Variants in COL7A1 observed in about 807,000 individuals in gnomAD.
COL7A1 encodes collagen type VII alpha 1 chain, also known as collagen alpha-1(VII) chain.
In COL7A1, 296 loss-of-function variants were observed where a neutral mutation model predicts 456.2. That is an observed-to-expected ratio of 0.65 (90% confidence interval 0.59 to 0.71). COL7A1 has a LOEUF of 0.71. COL7A1 is among the 30% of genes least tolerant of loss of function. The pLI is 0.00. For missense variants in COL7A1, 3,441 were observed against 4,017.2 expected, an observed-to-expected ratio of 0.86 and a Z score of 3.88; for synonymous variants, 1,464 against 1,525.9, an observed-to-expected ratio of 0.96 and a Z score of 0.95.
Position 48,567,596 on chromosome 3 carries a change from T to G in COL7A1, c.8024A>C (p.Lys2675Thr). Residue 2675 changes from lysine to threonine, a missense_variant, in exon 109 of 119, where the codon AAG becomes ACG. Lys to Thr is a moderately conservative substitution (Grantham distance 78). This residue lies in a region of COL7A1 where 2,084 missense variants were observed against 2,501.3 expected (regional missense o/e 0.83). Transcript: ENST00000681320. The surrounding 1 kb of genome is among the most constrained non-coding windows in gnomAD (Gnocchi z 4.3). ...GVPGQSGAPGKEGLIGPKGDR... is the reference protein window; with the variant it reads ...GVPGQSGAPGTEGLIGPKGDR... Reference sequence around the variant, plus strand: ...TACCTTGGGACCGATCAGGCCCTCCTTGCCAGGGGCCCCCGACTGGCCCGG... The same window carrying G: ...TACCTTGGGACCGATCAGGCCCTCCGTGCCAGGGGCCCCCGACTGGCCCGG... The G allele has an allele frequency of 6.2e-7, 1 of 1,614,152 alleles. No homozygotes were observed. The highest frequency in any genetic ancestry group is 8.5e-7 in the Non-Finnish European group (1 of 1,180,016).
Position 48,567,146 on chromosome 3 carries a change from C to T in COL7A1, c.8091G>A (p.Gln2697=), listed in dbSNP as rs754832776. ...AACTCACCCGCTCCCCTTTCTCGCC[C>T]TGGTCACCCTTGGGGCCTGGCTGCC... ...FDGQPGPKGD[Q]GEKGERGTPG... is the part of the protein sequence containing the mutation. The change falls in exon 110 of 119, where the codon CAG becomes CAA. Residue 2697 remains glutamine, a synonymous_variant. Coordinates refer to ENST00000681320, the MANE Select transcript of COL7A1 (RefSeq NM_000094.4). The surrounding 1 kb of genome is among the most constrained non-coding windows in gnomAD (Gnocchi z 4.3). 6 of 1,614,092 alleles carry T rather than the reference C, an allele frequency of 3.7e-6. No individual in the cohort carries two copies. The highest frequency in any genetic ancestry group is 2.2e-5 in the South Asian group (2 of 91,088).
At position 48,571,062 on chromosome 3, in the gene COL7A1, C is replaced by T. The variant is rs753127368; in HGVS notation, c.7164+39G>A. On this transcript the variant is annotated intron_variant, in intron 94 of 118. Transcript: ENST00000681320. The surrounding 1 kb of genome is among the most constrained non-coding windows in gnomAD (Gnocchi z 4.6). ...CCCTCTTCCTCCTGTGGGGGCCCGG[C>T]CTGCTGCCCCTACAACTGGTGATGG... The T allele has an allele frequency of 1.9e-6, 3 of 1,612,434 alleles. No individual in the cohort carries two copies. The East Asian group carries it at 6.7e-5, about 36-fold the overall frequency.
At position 48,576,663 on chromosome 3, in the gene COL7A1, C is replaced by G; in HGVS notation, c.5700+13G>C. 6.2e-7 allele frequency: 1 copy of G among 1,600,994 alleles called. No individual in the cohort carries two copies. The highest frequency in any genetic ancestry group is 8.5e-7 in the Non-Finnish European group (1 of 1,174,446). ...TAATGCTCTGAAGTCCCAGAATGACCCAGGACACTCACCTGGCCAGGAGGG... is the reference window on the plus strand; with the variant it reads ...TAATGCTCTGAAGTCCCAGAATGACGCAGGACACTCACCTGGCCAGGAGGG... On this transcript the variant is annotated intron_variant, in intron 68 of 118. Transcript: ENST00000681320.
chr3:48,571,057 C>T lies in COL7A1; in HGVS notation c.7164+44G>A, dbSNP rs761264078. On this transcript the variant is annotated intron_variant, in intron 94 of 118. Transcript: ENST00000681320. The surrounding 1 kb of genome is among the most constrained non-coding windows in gnomAD (Gnocchi z 4.6). ...GAACTCCCTCTTCCTCCTGTGGGGG[C>T]CCGGCCTGCTGCCCCTACAACTGGT... 6.2e-7 allele frequency: 1 copy of T among 1,612,686 alleles called. No individual in the cohort carries two copies. Among genetic ancestry groups the T allele is most frequent in the Non-Finnish European group, 8.5e-7 (1 of 1,178,924 alleles).
Position 48,579,537 on chromosome 3 carries a change from AT to A in COL7A1, c.5236-23del. 1 of 1,613,804 alleles carries A rather than the reference AT, an allele frequency of 6.2e-7. No homozygotes were observed. The highest frequency in any genetic ancestry group is 8.5e-7 in the Non-Finnish European group (1 of 1,179,982). ...TGCCCTGAGGATAGGGGAGGAAGAA[AT>A]CAGAGCAGGCCCTCCCATGCCTGCA... On this transcript the variant is annotated intron_variant, in intron 59 of 118. Transcript: ENST00000681320. This position sits in a 1 kb window ranked among gnomAD's most constrained non-coding sequence, Gnocchi z 4.4.
In COL7A1 at chr3:48,580,636, C is replaced by T. The variant is rs1028574312; in HGVS notation, c.4997G>A (p.Arg1666Gln). 8.1e-6 allele frequency: 13 copies of T among 1,613,834 alleles called. No individual in the cohort carries two copies. Among genetic ancestry groups the T allele is most frequent in the East Asian group, 2.2e-5 (1 of 44,882 alleles). Residue 1666 changes from arginine to glutamine, a missense_variant, in exon 55 of 119, where the codon CGG becomes CAG. Around this residue, in one of 3 missense-constraint regions of COL7A1, gnomAD observed 2,084 missense variants for 2,501.3 expected, o/e 0.83. Coordinates refer to ENST00000681320, the MANE Select transcript of COL7A1 (RefSeq NM_000094.4). The surrounding 1 kb of genome is among the most constrained non-coding windows in gnomAD (Gnocchi z 4.5). ...ERGLRGAPGV[R>Q]GPVGEKGDQG... ...GTCTCCCTTTTCACCCACAGGCCCC[C>T]GAACTCCAGGTGCCCCCTAAGAAGA...
rs2043903641 is a variant in COL7A1, at chr3:48,571,319, A to T, written c.7069-41T>A. On this transcript the variant is annotated intron_variant, in intron 92 of 118. Transcript: ENST00000681320. This position sits in a 1 kb window ranked among gnomAD's most constrained non-coding sequence, Gnocchi z 4.6. ...AAACAGCATTTGAGAGGGTAGGAAC[A>T]TGAGCACAGAGTTCAGACACGGGCT... 6.2e-7 allele frequency: 1 copy of T among 1,612,328 alleles called. No homozygotes were observed. Among genetic ancestry groups the T allele is most frequent in the African/African-American group, 1.3e-5 (1 of 74,904 alleles).
rs2107641831 is a variant in COL7A1, at chr3:48,569,450, G to T, written c.7615-4C>A. 1.2e-6 allele frequency: 2 copies of T among 1,614,130 alleles called. No homozygotes were observed. The highest frequency in any genetic ancestry group is 1.7e-6 in the Non-Finnish European group (2 of 1,180,014). On this transcript the variant is annotated splice_region_variant and splice_polypyrimidine_tract_variant and intron_variant, in intron 102 of 118. Coordinates refer to ENST00000681320, the MANE Select transcript of COL7A1 (RefSeq NM_000094.4). This position sits in a 1 kb window ranked among gnomAD's most constrained non-coding sequence, Gnocchi z 4.9. ...AGCCCCGAGGCCCTCGTTCACCCTG[G>T]GTTGGTTTGGGTAAGAAGTCACGGT...
At position 48,580,319 on chromosome 3, in the gene COL7A1, T is replaced by G; in HGVS notation, c.5078A>C (p.Lys1693Thr). The G allele has an allele frequency of 6.2e-7, 1 of 1,610,544 alleles. No homozygotes were observed. The highest frequency in any genetic ancestry group is 8.5e-7 in the Non-Finnish European group (1 of 1,178,378). Reference protein sequence around the residue: ...RNGSPGSSGPKGDRGEPGPPG... With the variant: ...RNGSPGSSGPTGDRGEPGPPG... ...ACTCACCGGCTCCCCACGGTCACCCTTGGGTCCAGATGATCCAGGGCTGCC... is the reference window on the plus strand; with the variant it reads ...ACTCACCGGCTCCCCACGGTCACCCGTGGGTCCAGATGATCCAGGGCTGCC... Residue 1693 changes from lysine (K) to threonine (T), a missense_variant, in exon 56 of 119, where the codon AAG becomes ACG. Coordinates refer to ENST00000681320, the MANE Select transcript of COL7A1 (RefSeq NM_000094.4). The surrounding 1 kb of genome is among the most constrained non-coding windows in gnomAD (Gnocchi z 4.5).
rs1045518536 is a variant in COL7A1 at position 48,574,120 on chromosome 3, C to G, written c.6501+142G>C. On this transcript the variant is annotated intron_variant, in intron 80 of 118. Transcript: ENST00000681320. This position sits in a 1 kb window ranked among gnomAD's most constrained non-coding sequence, Gnocchi z 5.0. ...ACACACAGGCACACACAGACACAGGCACACACAAGCAGGCACACACAGAGA... is the reference window on the plus strand; with the variant it reads ...ACACACAGGCACACACAGACACAGGGACACACAAGCAGGCACACACAGAGA... 4.2e-5 allele frequency: 49 copies of G among 1,180,300 alleles called. No individual in the cohort carries two copies. The Admixed American group carries it at 8.6e-4, about 21-fold the overall frequency. The allele number at this position is 1,180,300 out of a possible 1,614,324, so 73.1% of individuals were successfully genotyped here. A position where few individuals can be genotyped will look rare whatever the true frequency, so the allele number is the denominator to read the frequency against.
Position 48,584,316 on chromosome 3 carries a change from A to G in COL7A1, c.4179T>C (p.Leu1393=). The change falls in exon 37 of 119, where the codon CTT becomes CTC. Residue 1393 remains leucine (L), a synonymous_variant. Coordinates refer to ENST00000681320, the MANE Select transcript of COL7A1 (RefSeq NM_000094.4). Reference sequence around the variant, plus strand: ...CTGTCACCTTCATGGCTGTTCCAGGAAGCCCTGGGGGGCCACGGGGTCCTG... The same window carrying G: ...CTGTCACCTTCATGGCTGTTCCAGGGAGCCCTGGGGGGCCACGGGGTCCTG... The part of the protein sequence containing the change: ...GDPGPRGPPG[L]PGTAMKGDKG... 1 of 1,611,670 alleles carries G rather than the reference A, an allele frequency of 6.2e-7. No homozygotes were observed. The highest frequency in any genetic ancestry group is 2.2e-5 in the East Asian group (1 of 44,730).
chr3:48,576,715 C>G lies in COL7A1; in HGVS notation c.5661G>C (p.Gly1887=), dbSNP rs371009419. The G allele has an allele frequency of 1.4e-5, 23 of 1,610,044 alleles. No homozygotes were observed. The highest frequency in any genetic ancestry group is 6.8e-5 in the Admixed American group (4 of 59,252). ...CCACTGGCCCTGGGAGGCCTGGAGG[C>G]CCCTGGGGTCCAAGGATACCAGGAG... ...RGAPGILGPQ[G]PPGLPGPVGP... Residue 1887 remains glycine, a synonymous_variant, in exon 68 of 119, where the codon GGG becomes GGC. Transcript: ENST00000681320.
Position 48,571,855 on chromosome 3 carries a change from T to G in COL7A1, c.7068+146A>C. 2 of 999,760 alleles carry G rather than the reference T, an allele frequency of 2.0e-6. No homozygotes were observed. Among genetic ancestry groups the G allele is most frequent in the Non-Finnish European group, 3.0e-6 (2 of 659,848 alleles). 61.9% of individuals were successfully genotyped at this position (999,760 alleles called of 1,614,324 possible). A position where few individuals can be genotyped will look rare whatever the true frequency, so the allele number is the denominator to read the frequency against. On this transcript the variant is annotated intron_variant, in intron 92 of 118. Transcript: ENST00000681320. This position sits in a 1 kb window ranked among gnomAD's most constrained non-coding sequence, Gnocchi z 4.6. Reference sequence around the variant, plus strand: ...TGGAAGCCGACAGTGTGTGGCTCCCTGTGATCCAGAGAGCAGGCTCCTGGA... The same window carrying G: ...TGGAAGCCGACAGTGTGTGGCTCCCGGTGATCCAGAGAGCAGGCTCCTGGA...
rs369591910 is a variant in COL7A1 at position 48,566,995 on chromosome 3, C to T, written c.8138G>A (p.Gly2713Asp). Residue 2713 changes from glycine (G) to aspartate (D), a missense_variant, in exon 111 of 119, where the codon GGC becomes GAC. By Grantham distance (94) the Gly-to-Asp change is moderately conservative. This residue lies in a region of COL7A1 where 2,084 missense variants were observed against 2,501.3 expected (regional missense o/e 0.83). Coordinates refer to ENST00000681320, the MANE Select transcript of COL7A1 (RefSeq NM_000094.4). The surrounding 1 kb of genome is among the most constrained non-coding windows in gnomAD (Gnocchi z 5.9). ...AGCAGAGCCATCATTTCCACTGGGG[C>T]CTGGGAAGCCCCCAATTCCTGGGGT... ...RGTPGIGGFP[G>D]PSGNDGSAGP... 6.2e-7 allele frequency: 1 copy of T among 1,612,530 alleles called. No homozygotes were observed. The highest frequency in any genetic ancestry group is 1.3e-5 in the African/African-American group (1 of 74,804).
chr3:48,577,707 A>G (rs77793216), intron 65 of COL7A1, among the ~76,000 whole-genome samples: 1 of 152,102 alleles, frequency 6.6e-6, no homozygotes, highest in Non-Finnish European at 1.5e-5. Flanking sequence ...AAGTGCCCCA[A>G]ATGTGGCTAC....
Position 48,580,646 on chromosome 3 carries a change from G to A in COL7A1, c.4987C>T (p.Pro1663Ser), listed in dbSNP as rs149342284. The A allele has an allele frequency of 1.2e-6, 2 of 1,613,642 alleles. No homozygotes were observed. Among genetic ancestry groups the A allele is most frequent in the East Asian group, 2.2e-5 (1 of 44,880 alleles). The change falls in exon 55 of 119, where the codon CCT becomes TCT. Residue 1663 changes from proline (P) to serine (S), a missense_variant. Around this residue, in one of 3 missense-constraint regions of COL7A1, gnomAD observed 2,084 missense variants for 2,501.3 expected, o/e 0.83. Transcript: ENST00000681320. The surrounding 1 kb of genome is among the most constrained non-coding windows in gnomAD (Gnocchi z 4.5). ...TCACCCACAGGCCCCCGAACTCCAG[G>A]TGCCCCCTAAGAAGAGCAGCTGGCC... ...KAGERGLRGA[P>S]GVRGPVGEKG...
intron 18 of COL7A1, 135 bp downstream of exon 18, chr3:48,589,192 A>C: frequency 6.8e-7 from 1 of 1,481,300 alleles, no homozygotes; most frequent in Non-Finnish European, 9.3e-7. Context: ...GTGGACACTT[A>C]ATCAGTGTGG....
intron 35 of COL7A1, 57 bp from the exon 36 acceptor site, chr3:48,584,613 G>T: frequency 3.1e-6 from 5 of 1,611,874 alleles, no homozygotes; most frequent in South Asian, 1.1e-5. Context: ...TGAGCTGGAA[G>T]AAGCCCCTAG....
Position 48,579,883 on chromosome 3 carries a change from G to A in COL7A1, c.5125-69C>T. ...AAGAGGAGTTGGCGAGGGGATACAG[G>A]GTCTGTGAGGGGCTCCAGGGATCCG... On this transcript the variant is annotated intron_variant, in intron 57 of 118. Transcript: ENST00000681320. This position sits in a 1 kb window ranked among gnomAD's most constrained non-coding sequence, Gnocchi z 4.4. 6.2e-7 allele frequency: 1 copy of A among 1,610,980 alleles called. No individual in the cohort carries two copies. The highest frequency in any genetic ancestry group is 1.1e-5 in the South Asian group (1 of 90,988).
Sources: allele counts gnomAD v4.1 joint callset (sites outside exome capture counted in the v4.1 genomes callset), GRCh38; gene constraint gnomAD v4.1.1; regional missense constraint gnomAD v4.1.1; non-coding constraint Gnocchi (gnomAD v3.1); transcripts MANE v1.5; gene names NCBI Gene and HGNC (gene_info 2026-07-23, HGNC 2026-07-21).